The following GAP43 variants were observed in gnomAD, a reference collection of about 807,000 sequenced individuals.
The protein encoded by GAP43 is growth associated protein 43.
Under a neutral mutation model 18.6 loss-of-function variants are expected in GAP43, and 6 were observed. The ratio of observed to expected loss-of-function variants is 0.32; its 90% CI spans 0.18 to 0.64. The LOEUF is 0.64. Ranked by LOEUF, GAP43 falls within the 30% of genes least tolerant of loss-of-function variation. GAP43 has a pLI of 0.78. For missense variants in GAP43, 292 were observed against 295.5 expected (o/e 0.99, Z 0.09); for synonymous variants, 115 against 111.4 (o/e 1.03, Z -0.20).
chr3:115,686,877 T>C (rs1314297038), intron 2 of GAP43, among the ~76,000 whole-genome samples: 1 of 152,182 alleles, frequency 6.6e-6, no homozygotes, highest in East Asian at 1.9e-4. Flanking sequence ...CTCATACTAA[T>C]TTTTAGTGAG....
At chr3:115,635,755 G>C (rs1708321195) in intron 1 of GAP43, among the ~76,000 whole-genome samples, 1 of 151,846 alleles carries the variant, frequency 6.6e-6, no homozygotes, top group South Asian at 2.1e-4. Flanking sequence ...GCACTAGTAT[G>C]CTTAAATATG....
At chr3:115,668,291 T>C (rs1403333735) in intron 1 of GAP43, among the ~76,000 whole-genome samples, 2 of 152,118 alleles carry the variant, frequency 1.3e-5, no homozygotes, top group African/African-American at 4.8e-5. Flanking sequence ...GGAAGGAGAC[T>C]TCCTTCCTTG....
At chr3:115,708,460 A>T (rs11926747) in intron 2 of GAP43, among the ~76,000 whole-genome samples, 3,114 of 152,290 alleles carry the variant, frequency 0.02, 106 homozygotes, top group African/African-American at 0.072. Context: ...CTCCATAATC[A>T]AAGTCCAAGA....
At chr3:115,691,312 G>A (rs1178441141) in intron 2 of GAP43, among the ~76,000 whole-genome samples, 1 of 152,186 alleles carries the variant, frequency 6.6e-6, no homozygotes, top group African/African-American at 2.4e-5. Context: ...CTTGCTTGGA[G>A]GCCTGCAGTG....
chr3:115,665,567 C>T lies in GAP43; in HGVS notation c.31-10446C>T, dbSNP rs1248731370. The stretch of plus-strand genomic sequence containing the variant: ...ATTTTAAGTTGAAAGTACTTCATAA[C>T]CTATAATGCATAAATTTAAACCACT... On this transcript the variant is annotated intron_variant, in intron 1 of 2. Transcript: ENST00000305124. Among the ~76,000 whole-genome samples, 4 of 152,228 alleles carry T rather than the reference C, an allele frequency of 2.6e-5. No homozygotes were observed. In the East Asian group the frequency reaches 7.7e-4, roughly 29 times the overall value.
At chr3:115,714,827 T>C (rs543446931) in intron 2 of GAP43, among the ~76,000 whole-genome samples, 12 of 152,010 alleles carry the variant, frequency 7.9e-5, no homozygotes, top group African/African-American at 2.9e-4. Context: ...GTAATAGTCT[T>C]AGGAAATTCA....
At chr3:115,656,517 G>A (rs570907294) in intron 1 of GAP43, among the ~76,000 whole-genome samples, 2 of 152,250 alleles carry the variant, frequency 1.3e-5, no homozygotes, top group East Asian at 1.9e-4. Context: ...TGTATACTGA[G>A]GGTGGGGAAT....
intron 2 of GAP43, among the ~76,000 whole-genome samples, chr3:115,708,945 T>G (rs1348749667): frequency 2.3e-5 from 1 of 43,740 alleles, no homozygotes; most frequent in African/African-American, 6.4e-5. Flanking sequence ...GCTGGGTTTT[T>G]TTTTTTTTTT....
intron 1 of GAP43, among the ~76,000 whole-genome samples, chr3:115,630,160 A>AAT (rs546695898): frequency 3.3e-4 from 51 of 152,314 alleles, no homozygotes; most frequent in South Asian, 2.3e-3. Context: ...AACTCTTACA[A>AAT]ATAGACCGTA....
At chr3:115,645,132 T>C (rs1050832008) in intron 1 of GAP43, among the ~76,000 whole-genome samples, 38 of 152,048 alleles carry the variant, frequency 2.5e-4, no homozygotes, top group African/African-American at 8.2e-4. Context: ...CTATGAGTTA[T>C]TCATTTATTC....
chr3:115,713,535 G>C lies in GAP43; in HGVS notation c.629-7259G>C, dbSNP rs1430525537. Among the ~76,000 whole-genome samples, 7 of 152,360 alleles carry C rather than the reference G, an allele frequency of 4.6e-5. No individual in the cohort carries two copies. The South Asian group carries it at 6.2e-4, about 14-fold the overall frequency. On this transcript the variant is annotated intron_variant, in intron 2 of 2. Coordinates refer to ENST00000305124, the MANE Select transcript of GAP43 (RefSeq NM_002045.4). ...CAGCAGCATTGCAACCAGGCTGCCTGGCTGAGCGCACAAGCAGCCGCTGCT... is the reference window on the plus strand; with the variant it reads ...CAGCAGCATTGCAACCAGGCTGCCTCGCTGAGCGCACAAGCAGCCGCTGCT...
intron 1 of GAP43, among the ~76,000 whole-genome samples, chr3:115,669,378 C>A (rs1335155421): frequency 6.6e-6 from 1 of 152,132 alleles, no homozygotes; most frequent in East Asian, 1.9e-4. Flanking sequence ...CACCTGTCAT[C>A]ATCTTTCTGA....
chr3:115,641,589 A>C (rs919676041), intron 1 of GAP43, among the ~76,000 whole-genome samples: 5 of 151,208 alleles, frequency 3.3e-5, no homozygotes, highest in African/African-American at 1.2e-4. Context: ...CTCATTACTG[A>C]GATTTCCTCT....
At chr3:115,699,118 A>G (rs1444888144) in intron 2 of GAP43, among the ~76,000 whole-genome samples, 2 of 152,162 alleles carry the variant, frequency 1.3e-5, no homozygotes, top group African/African-American at 4.8e-5. Flanking sequence ...TTACTGAGGA[A>G]GTACTTTGGC....
chr3:115,683,021 A>G (rs577442582), intron 2 of GAP43, among the ~76,000 whole-genome samples: 1 of 152,304 alleles, frequency 6.6e-6, no homozygotes, highest in Non-Finnish European at 1.5e-5. Flanking sequence ...AAAGTTGTGA[A>G]ACTACATTTG....
chr3:115,637,357 G>A (rs1708342648), intron 1 of GAP43, among the ~76,000 whole-genome samples: 1 of 152,018 alleles, frequency 6.6e-6, no homozygotes, highest in Admixed American at 6.6e-5. Context: ...GAATGTACAA[G>A]CCAAATAATT....
chr3:115,656,976 G>C (rs956958037), intron 1 of GAP43, among the ~76,000 whole-genome samples: 26 of 152,130 alleles, frequency 1.7e-4, no homozygotes, highest in Admixed American at 7.9e-4. Context: ...ACGTACTTGC[G>C]TATAATTTCC....
At chr3:115,695,451 T>C (rs925942886) in intron 2 of GAP43, among the ~76,000 whole-genome samples, 1 of 152,226 alleles carries the variant, frequency 6.6e-6, no homozygotes, top group Admixed American at 6.5e-5. Flanking sequence ...ATATGGATTG[T>C]TTGTTTTATT....
chr3:115,684,599 A>C (rs2107353817), intron 2 of GAP43, among the ~76,000 whole-genome samples: 1 of 152,266 alleles, frequency 6.6e-6, no homozygotes, highest in African/African-American at 2.4e-5. Flanking sequence ...TCAGCCCAAA[A>C]AGAAGTAGAG....
Sources: gnomAD v4.1 joint callset for allele counts (sites outside exome capture counted in the v4.1 genomes callset) on GRCh38, gnomAD v4.1.1 for gene constraint, MANE v1.5 for transcripts, NCBI Gene and HGNC (gene_info 2026-07-23, HGNC 2026-07-21) for gene names.